GTPBP6: variants seen among roughly 807,000 people sequenced by gnomAD.
GTPBP6 encodes GTP binding protein 6, also known as putative GTP-binding protein 6.
A neutral mutation model predicts 28.9 loss-of-function variants in GTPBP6; 33 were observed. The observed-to-expected ratio is 1.14, with a 90% CI of 0.87 to 1.53. The LOEUF (loss-of-function observed/expected upper bound fraction) is 1.53, where lower values mean the gene tolerates loss of function less well. GTPBP6 is among the 40% of genes most tolerant of loss of function. The probability of loss-of-function intolerance (pLI) is 0.00; values close to 1 mark genes in which losing one functional copy is unlikely to be tolerated. For missense variants in GTPBP6, 507 were observed against 408.3 expected (o/e 1.24, Z -2.08); for synonymous variants, 231 against 192.7 (o/e 1.20, Z -1.65).
chrX:306,123 G>A (rs2070156891), intron 9 of GTPBP6, among the ~76,000 whole-genome samples: 1 of 152,230 alleles, frequency 6.6e-6, no homozygotes, highest in Non-Finnish European at 1.5e-5. Context: ...CACAGATTAG[G>A]CACCTGTTGT....
chrX:311,282 G>GCCC, intron 7 of GTPBP6, 137 bp downstream of exon 7: 1 of 354,600 alleles, frequency 2.8e-6, no homozygotes, highest in African/African-American at 3.2e-5. Context: ...CCCCTGGGCT[G>GCCC]AGTGGGTGTC....
At chrX:305,226 C>G (rs752293112) in intron 9 of GTPBP6, 29 bp from the exon 10 acceptor site, 1 of 1,518,292 alleles carries the variant, frequency 6.6e-7, no homozygotes, top group South Asian at 1.1e-5. Context: ...TGTATGGAGA[C>G]AAGCAGAACC....
At chrX:317,762 G>A (rs1458519817) in intron 1 of GTPBP6, among the ~76,000 whole-genome samples, 3 of 120,540 alleles carry the variant, frequency 2.5e-5, no homozygotes, top group Non-Finnish European at 3.4e-5. Flanking sequence ...CCATCCCACG[G>A]ACTCCACCCC....
chrX:305,324 G>GTTT lies in GTPBP6; in HGVS notation c.1428-130_1428-128dup, dbSNP rs375287376. 3,957 of 599,944 alleles carry GTTT rather than the reference G, an allele frequency of 6.6e-3. 116 individuals are homozygous for GTTT. In the African/African-American group the frequency reaches 0.067, roughly 10 times the overall value. 37.2% of individuals were successfully genotyped at this position (599,944 alleles called of 1,614,324 possible). ...TCATCAGACCGTCCTGTTTCCTTTT[G>GTTT]TTTTTTTTTTTTTTTGAGACGGAGT... On this transcript the variant is annotated intron_variant, in intron 9 of 9. Transcript: ENST00000326153.
In GTPBP6 at chrX:315,223, T is replaced by C. The variant is rs2070407499; in HGVS notation, c.558+6A>G. The C allele has an allele frequency of 1.0e-5, 4 of 398,534 alleles. No individual in the cohort carries two copies. The highest frequency in any genetic ancestry group is 1.3e-5 in the Non-Finnish European group (3 of 226,090). The allele number at this position is 398,534 out of a possible 1,614,324, so 24.7% of individuals were successfully genotyped here. A position where few individuals can be genotyped will look rare whatever the true frequency, so the allele number is the denominator to read the frequency against. On this transcript the variant is annotated splice_donor_region_variant and intron_variant, in intron 3 of 9. Coordinates refer to ENST00000326153, the Ensembl canonical transcript of GTPBP6. Reference sequence around the variant, plus strand: ...GACAAACACAGCAAGCCACATCCTGTGGTACCTTGGTCGGGGCAGCCATCC... The same window carrying C: ...GACAAACACAGCAAGCCACATCCTGCGGTACCTTGGTCGGGGCAGCCATCC...
intron 6 of GTPBP6, chrX:311,845 G>A (rs1230841498): frequency 3.4e-6 from 2 of 591,042 alleles, no homozygotes; most frequent in Non-Finnish European, 3.0e-6. Context: ...CCGCCGTGCG[G>A]ACACGGGGGA....
chrX:316,967 T>C (rs1219647841), exon 2 of GTPBP6: 12 of 398,570 alleles, frequency 3.0e-5, no homozygotes, highest in Non-Finnish European at 4.4e-5. Context: ...GTCCGGCGTT[T>C]TGGTGGACAC....
intron 2 of GTPBP6, among the ~76,000 whole-genome samples, chrX:315,616 G>C (rs1286508877): frequency 0.24 from 3,732 of 15,810 alleles, 5 homozygotes; most frequent in Middle Eastern, 0.45. Flanking sequence ...GACAGACACA[G>C]ACACACAGAC....
chrX:316,698 C>G (rs1401176858), intron 2 of GTPBP6, among the ~76,000 whole-genome samples: 1 of 152,122 alleles, frequency 6.6e-6, no homozygotes, highest in East Asian at 1.9e-4. Context: ...CAGTTTAAGT[C>G]TCTCCAGGGC....
intron 5 of GTPBP6, among the ~76,000 whole-genome samples, chrX:313,246 G>A (rs1344588199): frequency 6.6e-6 from 1 of 152,250 alleles, no homozygotes; most frequent in Non-Finnish European, 1.5e-5. Context: ...AGCGGGCTCA[G>A]TGGGGCCCCT....
At position 312,730 on chromosome X, in the gene GTPBP6, G is replaced by A. The variant is rs747649284; in HGVS notation, c.916+36C>T. On this transcript the variant is annotated intron_variant, in intron 6 of 9. Transcript: ENST00000326153. The stretch of plus-strand genomic sequence containing the variant: ...GGCGAGTCCTCACCGGTGACACGGA[G>A]ACCGCGGAAGGCCCCTCCCCTGGGC... The A allele has an allele frequency of 2.7e-6, 4 of 1,501,110 alleles. No homozygotes were observed. In the South Asian group the frequency reaches 5.2e-5, roughly 19 times the overall value. 93.0% of individuals were successfully genotyped at this position (1,501,110 alleles called of 1,614,324 possible). A position where few individuals can be genotyped will look rare whatever the true frequency, so the allele number is the denominator to read the frequency against.
Position 305,128 on chromosome X carries a change from C to A in GTPBP6, c.1497G>T (p.Arg499Ser). 5 of 1,613,422 alleles carry A rather than the reference C, an allele frequency of 3.1e-6. No individual in the cohort carries two copies. In the South Asian group the frequency reaches 4.4e-5, roughly 14 times the overall value. ...CGTAGGCTGAGTTGCTGATGATGAC[C>A]CTCACGTCGGCCGCCCCGTCCTCAG... The change falls in exon 10 of 10, where the codon AGG becomes AGT. Residue 499 changes from arginine (R) to serine (S), a missense_variant. Transcript: ENST00000326153.
exon 1 of GTPBP6, chrX:318,529 C>T (rs1204953354): frequency 5.0e-5 from 20 of 398,440 alleles, no homozygotes; most frequent in South Asian, 3.8e-4. Context: ...AGAGGCTCTC[C>T]CCGCAGCAGC....
At chrX:305,270 T>A in intron 9 of GTPBP6, 73 bp from the exon 10 acceptor site, 1 of 1,194,134 alleles carries the variant, frequency 8.4e-7, no homozygotes, top group East Asian at 2.3e-5. Flanking sequence ...GATAAATAAT[T>A]ACGCTAAAAA....
At chrX:314,523 A>T (rs2070389576) in intron 4 of GTPBP6, among the ~76,000 whole-genome samples, 3 of 149,908 alleles carry the variant, frequency 2.0e-5, no homozygotes, top group Non-Finnish European at 4.4e-5. Flanking sequence ...CCCAGGCTGG[A>T]GTGCAGTGGC....
At chrX:315,520 A>C (rs1477058867) in intron 2 of GTPBP6, among the ~76,000 whole-genome samples, 1 of 147,604 alleles carries the variant, frequency 6.8e-6, no homozygotes, top group Admixed American at 6.7e-5. Context: ...CGGTGAACAC[A>C]TCCCGGCAGG....
exon 10 of GTPBP6, chrX:304,763 A>G (rs2070116967): frequency 1.6e-6 from 2 of 1,229,508 alleles, no homozygotes; most frequent in Non-Finnish European, 2.0e-6. Context: ...CGGAAGTAAA[A>G]TCAAAGGTTT....
intron 7 of GTPBP6, among the ~76,000 whole-genome samples, chrX:309,511 T>C (rs1320260776): frequency 1.3e-5 from 2 of 152,052 alleles, no homozygotes; most frequent in Non-Finnish European, 2.9e-5. Context: ...AAGGGGACCT[T>C]GCTTGGAAAT....
intron 1 of GTPBP6, among the ~76,000 whole-genome samples, chrX:318,005 C>T (rs1302329529): frequency 1.5e-5 from 2 of 130,154 alleles, no homozygotes; most frequent in Non-Finnish European, 3.3e-5. Flanking sequence ...CTCAGCGCCA[C>T]GCCCTGGCAT....
Sources: allele counts gnomAD v4.1 joint callset (sites outside exome capture counted in the v4.1 genomes callset), GRCh38; gene constraint gnomAD v4.1.1; transcripts MANE v1.5; gene names NCBI Gene and HGNC (gene_info 2026-07-23, HGNC 2026-07-21).